Variants in RPS6KA1 observed in about 807,000 individuals in gnomAD.
RPS6KA1 encodes ribosomal protein S6 kinase alpha-1.
Under a neutral mutation model 91.3 loss-of-function variants are expected in RPS6KA1, and 48 were observed. The observed-to-expected ratio is 0.53, with a 90% CI of 0.42 to 0.67. The LOEUF is 0.67. Among genes scored for constraint, RPS6KA1 ranks in the 30% least tolerant of loss-of-function variants. The pLI is 0.00. For missense variants in RPS6KA1, 719 were observed against 960.5 expected (o/e 0.75, Z 3.32); for synonymous variants, 359 against 384.7 (o/e 0.93, Z 0.78).
rs760899311 is a variant in RPS6KA1 at position 26,551,514 on chromosome 1, C to A, written c.388+37C>A. On this transcript the variant is annotated intron_variant, in intron 5 of 21. Coordinates refer to ENST00000374168, the MANE Select transcript of RPS6KA1 (RefSeq NM_002953.4). This position sits in a 1 kb window ranked among gnomAD's most constrained non-coding sequence, Gnocchi z 4.5. ...GGCCCTGCCTGAGCTCCTACCCCAC[C>A]CATCCTTCGCCCTTGCCTGTGGTCT... is the stretch of plus-strand genomic sequence containing the variant. The A allele has an allele frequency of 1.2e-6, 2 of 1,608,426 alleles. No individual in the cohort carries two copies. The highest frequency in any genetic ancestry group is 1.1e-5 in the South Asian group (1 of 90,962).
rs1372218352 is a variant in RPS6KA1, at chr1:26,554,983, G to A, written c.757-168G>A. ...CCTCGCGCCCCCACCGCTGCTCCTG[G>A]TGGTCTGGTTGGCAGAGGCAAGAGG... On this transcript the variant is annotated intron_variant, in intron 9 of 21. Transcript: ENST00000374168. This position sits in a 1 kb window ranked among gnomAD's most constrained non-coding sequence, Gnocchi z 4.6. Among the ~76,000 whole-genome samples the A allele has an allele frequency of 6.6e-6, 1 of 152,204 alleles. No homozygotes were observed. The highest frequency in any genetic ancestry group is 1.5e-5 in the Non-Finnish European group (1 of 68,034).
At position 26,554,055 on chromosome 1, in the gene RPS6KA1, G is replaced by T; in HGVS notation, c.576-159G>T. On this transcript the variant is annotated intron_variant, in intron 7 of 21. Coordinates refer to ENST00000374168, the MANE Select transcript of RPS6KA1 (RefSeq NM_002953.4). The surrounding 1 kb of genome is among the most constrained non-coding windows in gnomAD (Gnocchi z 4.6). ...AGCAAAAAAGATAGGCAACACCCCT[G>T]CGTGGTACTGCTACCACCCTGCAAC... is the stretch of plus-strand genomic sequence containing the variant. 1.5e-6 allele frequency: 1 copy of T among 657,556 alleles called. No homozygotes were observed. The highest frequency in any genetic ancestry group is 2.6e-6 in the Non-Finnish European group (1 of 384,872). 40.7% of individuals were successfully genotyped at this position (657,556 alleles called of 1,614,324 possible). A position where few individuals can be genotyped will look rare whatever the true frequency, so the allele number is the denominator to read the frequency against.
At chr1:26,564,593 G>C (rs572059841) in intron 17 of RPS6KA1, among the ~76,000 whole-genome samples, 1 of 152,202 alleles carries the variant, frequency 6.6e-6, no homozygotes, top group Admixed American at 6.5e-5. Context: ...GGTGGTAACC[G>C]TCCGATCTCC....
chr1:26,566,144 A>G (rs1441598912), intron 17 of RPS6KA1, among the ~76,000 whole-genome samples: 3 of 152,148 alleles, frequency 2.0e-5, no homozygotes, highest in African/African-American at 2.4e-5. Context: ...ATTGCCAAAC[A>G]GTTTTCCAGA....
rs2076155388 is a variant in RPS6KA1, at chr1:26,561,652, C to T, written c.1579C>T (p.His527Tyr). 6.2e-7 allele frequency: 1 copy of T among 1,606,404 alleles called. No homozygotes were observed. The part of the protein sequence containing the change: ...HTIGKTVEYL[H>Y]SQGVVHRDLK... ...CATTGGCAAAACTGTGGAGTATCTG[C>T]ACTCACAGGGGGTGAGTCTGGATTC... The change falls in exon 17 of 22, where the codon CAC becomes TAC. Residue 527 changes from histidine to tyrosine, a missense_variant. His to Tyr is a moderately conservative substitution (Grantham distance 83, BLOSUM62 2). Around this residue, in one of 5 missense-constraint regions of RPS6KA1, gnomAD observed 249 missense variants for 323.1 expected, o/e 0.77. Transcript: ENST00000374168. This position sits in a 1 kb window ranked among gnomAD's most constrained non-coding sequence, Gnocchi z 5.7.
chr1:26,530,295 C>T lies in RPS6KA1; in HGVS notation c.63+312C>T, dbSNP rs567371486. Among the ~76,000 whole-genome samples, 6 of 152,366 alleles carry T rather than the reference C, an allele frequency of 3.9e-5. No homozygotes were observed. In the East Asian group the frequency reaches 1.2e-3, roughly 29 times the overall value. Reference sequence around the variant, plus strand: ...ATCTGTCCAGAGCTGTCGGAGCTTCCTCCATTAATGCAGACGGGGAGATCT... The same window carrying T: ...ATCTGTCCAGAGCTGTCGGAGCTTCTTCCATTAATGCAGACGGGGAGATCT... On this transcript the variant is annotated intron_variant, in intron 1 of 21. Coordinates refer to ENST00000374168, the MANE Select transcript of RPS6KA1 (RefSeq NM_002953.4).
In RPS6KA1 at chr1:26,571,833, C is replaced by T. The variant is rs374498258; in HGVS notation, c.1753-16C>T. ...CTGCCCCCCCAGACTGACCACCTCC[C>T]CTGCCCTGTTGCCAGGTGCTGAAGC... On this transcript the variant is annotated splice_polypyrimidine_tract_variant and intron_variant, in intron 18 of 21. Transcript: ENST00000374168. This position sits in a 1 kb window ranked among gnomAD's most constrained non-coding sequence, Gnocchi z 5.1. The T allele has an allele frequency of 5.0e-6, 8 of 1,606,456 alleles. No homozygotes were observed. The African/African-American group carries it at 5.3e-5, about 11-fold the overall frequency.
chr1:26,565,715 C>T (rs2076194992), intron 17 of RPS6KA1, among the ~76,000 whole-genome samples: 1 of 152,004 alleles, frequency 6.6e-6, no homozygotes, highest in African/African-American at 2.4e-5. Flanking sequence ...GCACCTGCCA[C>T]CACATCCAGC....
At chr1:26,573,122 G>A in intron 20 of RPS6KA1, 102 bp from the exon 21 acceptor site, 1 of 1,274,058 alleles carries the variant, frequency 7.8e-7, no homozygotes, top group Non-Finnish European at 1.1e-6. Flanking sequence ...TGCCGCAAGG[G>A]TTCAGGCGGG....
chr1:26,536,853 T>G (rs1048594664), intron 1 of RPS6KA1, 72 bp from the exon 2 acceptor site: 25 of 1,554,990 alleles, frequency 1.6e-5, no homozygotes, highest in Non-Finnish European at 1.4e-5. Context: ...AGGGTGGGGG[T>G]GCCCCACAGA....
chr1:26,571,835 T>C lies in RPS6KA1; in HGVS notation c.1753-14T>C. ...GCCCCCCCAGACTGACCACCTCCCCTGCCCTGTTGCCAGGTGCTGAAGCGC... is the reference window on the plus strand; with the variant it reads ...GCCCCCCCAGACTGACCACCTCCCCCGCCCTGTTGCCAGGTGCTGAAGCGC... On this transcript the variant is annotated splice_polypyrimidine_tract_variant and intron_variant, in intron 18 of 21. Coordinates refer to ENST00000374168, the MANE Select transcript of RPS6KA1 (RefSeq NM_002953.4). This position sits in a 1 kb window ranked among gnomAD's most constrained non-coding sequence, Gnocchi z 5.1. 6.2e-7 allele frequency: 1 copy of C among 1,606,856 alleles called. No homozygotes were observed. The highest frequency in any genetic ancestry group is 8.5e-7 in the Non-Finnish European group (1 of 1,179,340).
intron 2 of RPS6KA1, among the ~76,000 whole-genome samples, chr1:26,544,838 C>T (rs958502534): frequency 2.0e-4 from 30 of 152,082 alleles, no homozygotes; most frequent in African/African-American, 6.0e-4. Context: ...TCTGTCTCTG[C>T]CTATTGGAGA....
chr1:26,570,606 T>C lies in RPS6KA1; in HGVS notation c.1591-843T>C, dbSNP rs187793841. ...GGCCCAGAGGAAAGCCGTTTGCTTA[T>C]GGCCTCAGCAGTAAGTGTCATTCAT... On this transcript the variant is annotated intron_variant, in intron 17 of 21. Coordinates refer to ENST00000374168, the MANE Select transcript of RPS6KA1 (RefSeq NM_002953.4). Among the ~76,000 whole-genome samples the C allele has an allele frequency of 2.7e-3, 413 of 152,330 alleles. 1 individual carries two copies. The highest frequency in any genetic ancestry group is 8.9e-3 in the African/African-American group (370 of 41,576).
At position 26,574,754 on chromosome 1, in the gene RPS6KA1, G is replaced by GC; in HGVS notation, c.*553_*554insC. On this transcript the variant is annotated 3_prime_UTR_variant, in exon 22 of 22. Coordinates refer to ENST00000374168, the MANE Select transcript of RPS6KA1 (RefSeq NM_002953.4). This position sits in a 1 kb window ranked among gnomAD's most constrained non-coding sequence, Gnocchi z 4.3. ...AGTTCTAGAACCACTTCCTGCTACA[G>GC]GAGGGGTCTCATGTCCTGCTGGCTT... 2.5e-5 allele frequency: 7 copies of GC among 282,990 alleles called. No individual in the cohort carries two copies. The highest frequency in any genetic ancestry group is 9.8e-5 in the Admixed American group (2 of 20,418). 17.5% of individuals were successfully genotyped at this position (282,990 alleles called of 1,614,324 possible). A position where few individuals can be genotyped will look rare whatever the true frequency, so the allele number is the denominator to read the frequency against.
intron 2 of RPS6KA1, among the ~76,000 whole-genome samples, chr1:26,537,591 C>T (rs2075916336): frequency 6.6e-6 from 1 of 152,166 alleles, no homozygotes; most frequent in Admixed American, 6.6e-5. Flanking sequence ...AGTGGTGTGA[C>T]CTTGGGGAGG....
chr1:26,556,151 A>C, intron 11 of RPS6KA1: 1 of 200,352 alleles, frequency 5.0e-6, no homozygotes, highest in Non-Finnish European at 1.0e-5. Flanking sequence ...TTGTGTGAAC[A>C]TGCCGGCATG....
intron 2 of RPS6KA1, among the ~76,000 whole-genome samples, chr1:26,539,135 C>A (rs937125849): frequency 6.6e-6 from 1 of 152,210 alleles, no homozygotes; most frequent in Non-Finnish European, 1.5e-5. Flanking sequence ...CTGTGCTAGG[C>A]CCATGTTGGG....
intron 1 of RPS6KA1, among the ~76,000 whole-genome samples, chr1:26,535,568 C>T (rs980449149): frequency 1.8e-4 from 27 of 152,130 alleles, no homozygotes; most frequent in African/African-American, 6.5e-4. Context: ...TCACATCACA[C>T]AGGAAACAGA....
intron 17 of RPS6KA1, among the ~76,000 whole-genome samples, chr1:26,563,810 G>C (rs898981326): frequency 4.6e-5 from 7 of 152,084 alleles, no homozygotes; most frequent in African/African-American, 1.7e-4. Context: ...TTTTGGGGGG[G>C]ATGGGAATGA....
Sources: allele counts gnomAD v4.1 joint callset (sites outside exome capture counted in the v4.1 genomes callset), GRCh38; gene constraint gnomAD v4.1.1; regional missense constraint gnomAD v4.1.1; non-coding constraint Gnocchi (gnomAD v3.1); transcripts MANE v1.5; gene names NCBI Gene and HGNC (gene_info 2026-07-23, HGNC 2026-07-21).